Variants in SPATS2 observed in about 807,000 individuals in gnomAD.
SPATS2 encodes spermatogenesis associated serine rich 2.
SPATS2 carries 38 observed loss-of-function variants against 63.7 expected under a neutral mutation model. The observed-to-expected ratio is 0.60, with a 90% CI of 0.46 to 0.78. The LOEUF (loss-of-function observed/expected upper bound fraction) is 0.78. SPATS2 is among the 30% of genes least tolerant of loss of function. The pLI is 0.00. For missense variants in SPATS2, 588 were observed against 666.2 expected (o/e 0.88, Z 1.29); for synonymous variants, 207 against 232.9 (o/e 0.89, Z 1.01).
At chr12:49,390,209 CA>C in intron 2 of SPATS2, 1 of 1,110,898 alleles carries the variant, frequency 9.0e-7, no homozygotes, top group South Asian at 1.4e-5. Context: ...TCCCAGTGGT[CA>C]AATAAGTGAA....
intron 2 of SPATS2, among the ~76,000 whole-genome samples, chr12:49,412,133 A>C (rs750088798): frequency 2.0e-5 from 3 of 152,176 alleles, no homozygotes; most frequent in African/African-American, 7.2e-5. Flanking sequence ...TTAAAACACT[A>C]TAAATTAGTG....
chr12:49,452,653 T>G (rs1945644032), intron 2 of SPATS2, among the ~76,000 whole-genome samples: 1 of 152,220 alleles, frequency 6.6e-6, no homozygotes, highest in South Asian at 2.1e-4. Context: ...AGTTTTCTGA[T>G]TTTTTTCTTC....
chr12:49,370,776 C>G (rs188911471), intron 1 of SPATS2, among the ~76,000 whole-genome samples: 1 of 152,000 alleles, frequency 6.6e-6, no homozygotes. Flanking sequence ...TTTGTTTACT[C>G]CCCCCCAACC....
intron 7 of SPATS2, among the ~76,000 whole-genome samples, chr12:49,496,343 G>A (rs1383488560): frequency 1.3e-5 from 2 of 152,196 alleles, no homozygotes; most frequent in Non-Finnish European, 2.9e-5. Flanking sequence ...AAACTCCTGT[G>A]CTCAAGTGAT....
intron 2 of SPATS2, among the ~76,000 whole-genome samples, chr12:49,414,935 C>CTT (rs199648430): frequency 2.4e-4 from 32 of 135,946 alleles, no homozygotes; most frequent in South Asian, 6.8e-4. Flanking sequence ...TTTTCTTTTT[C>CTT]TTTTCTTTTT....
rs1947043424 is a variant in SPATS2, at chr12:49,526,762, C to T, written c.*507C>T. On this transcript the variant is annotated 3_prime_UTR_variant, in exon 14 of 14. Coordinates refer to ENST00000552918, the MANE Select transcript of SPATS2 (RefSeq NM_023071.4). ...CACTAGGAAACATTTGAGAACCTGC[C>T]TCTATCCCAGAATGTGCTGGAGATT... 1 of 154,530 alleles carries T rather than the reference C, an allele frequency of 6.5e-6. No individual in the cohort carries two copies. Among genetic ancestry groups the T allele is most frequent in the Non-Finnish European group, 1.4e-5 (1 of 69,674 alleles). The allele number at this position is 154,530 out of a possible 1,614,324, so 9.6% of individuals were successfully genotyped here. A position where few individuals can be genotyped will look rare whatever the true frequency, so the allele number is the denominator to read the frequency against.
intron 3 of SPATS2, among the ~76,000 whole-genome samples, chr12:49,480,090 C>G (rs1430002184): frequency 6.6e-6 from 1 of 152,188 alleles, no homozygotes; most frequent in Admixed American, 6.5e-5. Context: ...AAGATACAAG[C>G]AATCCAAAAC....
chr12:49,486,649 CAG>C (rs1418510953), intron 4 of SPATS2, among the ~76,000 whole-genome samples: 3 of 151,508 alleles, frequency 2.0e-5, no homozygotes, highest in Admixed American at 1.3e-4. Context: ...TTTTTTGAAA[CAG>C]AGTCTCCCTC....
intron 10 of SPATS2, among the ~76,000 whole-genome samples, chr12:49,514,987 C>G (rs1212360226): frequency 6.6e-6 from 1 of 152,108 alleles, no homozygotes; most frequent in African/African-American, 2.4e-5. Context: ...CATTAGGTTG[C>G]CTACGATTGT....
intron 9 of SPATS2, among the ~76,000 whole-genome samples, chr12:49,502,909 A>C (rs1273944544): frequency 1.3e-5 from 2 of 152,174 alleles, no homozygotes; most frequent in South Asian, 4.1e-4. Context: ...TCTAAATCCC[A>C]CCATTTCTCC....
intron 2 of SPATS2, among the ~76,000 whole-genome samples, chr12:49,403,593 C>G (rs1293834846): frequency 2.7e-5 from 3 of 112,982 alleles, no homozygotes; most frequent in Non-Finnish European, 5.7e-5. Context: ...ATGCCACTGT[C>G]TACACACACA....
intron 2 of SPATS2, among the ~76,000 whole-genome samples, chr12:49,420,748 T>A (rs1315613868): frequency 6.6e-6 from 1 of 152,142 alleles, no homozygotes; most frequent in Non-Finnish European, 1.5e-5. Context: ...GCGTGGTGGC[T>A]CACACCCATA....
chr12:49,410,597 TTACATAGCTAG>T (rs1944781187), intron 2 of SPATS2, among the ~76,000 whole-genome samples: 1 of 152,140 alleles, frequency 6.6e-6, no homozygotes, highest in Non-Finnish European at 1.5e-5. Flanking sequence ...TTGTCCAAAG[TTACATAGCTAG>T]TTACTGATAG....
At chr12:49,416,373 A>G (rs185868087) in intron 2 of SPATS2, among the ~76,000 whole-genome samples, 18 of 152,312 alleles carry the variant, frequency 1.2e-4, no homozygotes, top group African/African-American at 4.1e-4. Context: ...TGGTGTTTCC[A>G]GACATCTCTC....
chr12:49,499,042 T>G (rs1429451810), intron 8 of SPATS2, among the ~76,000 whole-genome samples: 1 of 152,172 alleles, frequency 6.6e-6, no homozygotes, highest in Non-Finnish European at 1.5e-5. Flanking sequence ...CATCTTGGCC[T>G]CCCAAAGTGC....
At chr12:49,429,563 A>G (rs1361719530) in intron 2 of SPATS2, among the ~76,000 whole-genome samples, 1 of 152,032 alleles carries the variant, frequency 6.6e-6, no homozygotes, top group Non-Finnish European at 1.5e-5. Context: ...CTCCTGCCTC[A>G]GCCTCCTGAG....
intron 2 of SPATS2, among the ~76,000 whole-genome samples, chr12:49,406,100 C>A (rs1324141692): frequency 2.0e-5 from 3 of 151,962 alleles, no homozygotes; most frequent in African/African-American, 7.3e-5. Context: ...CCTGTCTATA[C>A]TAAAAATACA....
chr12:49,495,472 C>T (rs1384048435), intron 7 of SPATS2, among the ~76,000 whole-genome samples: 1 of 152,170 alleles, frequency 6.6e-6, no homozygotes, highest in Non-Finnish European at 1.5e-5. Context: ...GCTGGGATTA[C>T]AGGCGTTGCC....
chr12:49,392,798 T>C (rs749168508), intron 2 of SPATS2, among the ~76,000 whole-genome samples: 12 of 151,588 alleles, frequency 7.9e-5, no homozygotes, highest in Admixed American at 2.6e-4. Context: ...ACGCCTGTAA[T>C]CCCAGCACTT....
Sources: allele counts gnomAD v4.1 joint callset (sites outside exome capture counted in the v4.1 genomes callset), GRCh38; gene constraint gnomAD v4.1.1; transcripts MANE v1.5; gene names NCBI Gene and HGNC (gene_info 2026-07-23, HGNC 2026-07-21).